Variants in MPHOSPH8 observed in about 807,000 individuals in gnomAD.
The protein encoded by MPHOSPH8 is M-phase phosphoprotein 8.
MPHOSPH8 carries 45 observed loss-of-function variants against 87.3 expected under a neutral mutation model. That is an observed-to-expected ratio of 0.52 (90% CI 0.41 to 0.66). The LOEUF (loss-of-function observed/expected upper bound fraction) is 0.66, where lower values mean the gene tolerates loss of function less well. Ranked by LOEUF, MPHOSPH8 falls within the 30% of genes least tolerant of loss-of-function variation. The pLI is 0.00. For missense variants in MPHOSPH8, 883 were observed against 1,020.2 expected, an observed-to-expected ratio of 0.87 and a Z score of 1.83; for synonymous variants, 366 against 376.9, an observed-to-expected ratio of 0.97 and a Z score of 0.33.
rs557019819 is a variant in MPHOSPH8 at position 19,664,346 on chromosome 13, G to A, written c.2019+1220G>A. Among the ~76,000 whole-genome samples, 221 of 152,288 alleles carry A rather than the reference G, an allele frequency of 1.5e-3. 1 individual carries two copies. Among genetic ancestry groups the A allele is most frequent in the African/African-American group, 5.1e-3 (213 of 41,566 alleles). Reference sequence around the variant, plus strand: ...CTCTGCAAGCATCATCTTAGTGACAGATGACCAGGTGTACCCTGAACTGCA... The same window carrying A: ...CTCTGCAAGCATCATCTTAGTGACAAATGACCAGGTGTACCCTGAACTGCA... On this transcript the variant is annotated intron_variant, in intron 9 of 13. Coordinates refer to ENST00000361479, the MANE Select transcript of MPHOSPH8 (RefSeq NM_017520.4).
intron 2 of MPHOSPH8, 38 bp downstream of exon 2, chr13:19,642,308 A>G (rs774981763): frequency 6.8e-7 from 1 of 1,478,796 alleles, no homozygotes; most frequent in African/African-American, 1.5e-5. Context: ...TTACATACAT[A>G]AATTTATTGT....
chr13:19,646,542 T>A lies in MPHOSPH8; in HGVS notation c.469T>A (p.Leu157Met). 6.4e-7 allele frequency: 1 copy of A among 1,572,418 alleles called. No homozygotes were observed. Among genetic ancestry groups the A allele is most frequent in the Non-Finnish European group, 8.6e-7 (1 of 1,169,250 alleles). ...TTCCCCAAAGAAGAAAAAGAAAAAA[T>A]TGAGGCAGAGAGAAGAGAAAAGCCC... is the stretch of plus-strand genomic sequence containing the variant. Reference protein sequence around the residue: ...DTSPKKKKKKLRQREEKSPDD... With the variant: ...DTSPKKKKKKMRQREEKSPDD... The change falls in exon 3 of 14, where the codon TTG becomes ATG. Residue 157 changes from leucine to methionine, a missense_variant. Leu to Met is a conservative substitution (Grantham distance 15). Around this residue, in one of 3 missense-constraint regions of MPHOSPH8, gnomAD observed 741 missense variants for 841.5 expected, o/e 0.88. Coordinates refer to ENST00000361479, the MANE Select transcript of MPHOSPH8 (RefSeq NM_017520.4).
intron 11 of MPHOSPH8, 22 bp from the exon 12 acceptor site, chr13:19,670,212 TTC>T (rs768370172): frequency 6.2e-7 from 1 of 1,613,858 alleles, no homozygotes; most frequent in Non-Finnish European, 8.5e-7. Context: ...TTTGAAGTAA[TTC>T]ACACACATCT....
rs748655472 is a variant in MPHOSPH8, at chr13:19,633,873, C to A, written c.125C>A (p.Ala42Glu). ...GTGGGCGAAGATAATGACGCAGCCG[C>A]GAGAGGAGCGGAGGCCTTTGGCGAC... The part of the protein sequence containing the change: ...GVVGEDNDAA[A>E]RGAEAFGDSE... The change falls in exon 1 of 14, where the codon GCG (alanine) becomes GAG (glutamate). Residue 42 changes from alanine to glutamate, a missense_variant. By Grantham distance (107) the Ala-to-Glu change is moderately radical (BLOSUM62 -1). Transcript: ENST00000361479. 6.2e-7 allele frequency: 1 copy of A among 1,611,386 alleles called. No homozygotes were observed. Among genetic ancestry groups the A allele is most frequent in the Non-Finnish European group, 8.5e-7 (1 of 1,179,136 alleles).
chr13:19,640,746 A>G (rs1593467641), intron 1 of MPHOSPH8, among the ~76,000 whole-genome samples: 1 of 152,116 alleles, frequency 6.6e-6, no homozygotes, highest in Non-Finnish European at 1.5e-5. Context: ...TAACAACTTA[A>G]TAAGAGATAC....
chr13:19,637,613 C>A (rs1165974922), intron 1 of MPHOSPH8, among the ~76,000 whole-genome samples: 1 of 151,952 alleles, frequency 6.6e-6, no homozygotes, highest in Non-Finnish European at 1.5e-5. Context: ...GCATGAGCCA[C>A]CGCTCCTGGC....
At chr13:19,671,627 C>T (rs1486777572) in intron 13 of MPHOSPH8, among the ~76,000 whole-genome samples, 2 of 152,144 alleles carry the variant, frequency 1.3e-5, no homozygotes, top group Non-Finnish European at 2.9e-5. Context: ...ACAAAATAGT[C>T]TCTCTAATAA....
In MPHOSPH8 at chr13:19,665,289, G is replaced by GT. The variant is rs772905398; in HGVS notation, c.2020-1133dup. On this transcript the variant is annotated intron_variant, in intron 9 of 13. Transcript: ENST00000361479. ...TGCTTTCAGGATTTAGCATGTTGAA[G>GT]TTTGAGTTTTAGAATGAGAAGATGT... Among the ~76,000 whole-genome samples, 4 of 152,350 alleles carry GT rather than the reference G, an allele frequency of 2.6e-5. No individual in the cohort carries two copies. The South Asian group carries it at 6.2e-4, about 24-fold the overall frequency.
chr13:19,647,440 T>G, intron 3 of MPHOSPH8, 149 bp downstream of exon 3: 1 of 635,752 alleles, frequency 1.6e-6, no homozygotes. Flanking sequence ...ACACCGCAGC[T>G]TATCTCTTAG....
chr13:19,640,155 T>C (rs1416654111), intron 1 of MPHOSPH8, among the ~76,000 whole-genome samples: 1 of 152,114 alleles, frequency 6.6e-6, no homozygotes, highest in East Asian at 1.9e-4. Flanking sequence ...GGTTTGAATT[T>C]CAGCTGAACT....
At chr13:19,638,579 C>G (rs1025258237) in intron 1 of MPHOSPH8, among the ~76,000 whole-genome samples, 6 of 151,276 alleles carry the variant, frequency 4.0e-5, no homozygotes, top group Admixed American at 3.9e-4. Flanking sequence ...TGACACTGCA[C>G]TCCAGCCTGA....
At chr13:19,659,774 G>A in intron 7 of MPHOSPH8, 1 of 304,258 alleles carries the variant, frequency 3.3e-6, no homozygotes, top group Non-Finnish European at 6.6e-6. Flanking sequence ...CTCTAAAAGT[G>A]ATGGTTTGGT....
chr13:19,660,829 A>C, intron 7 of MPHOSPH8: 1 of 604,688 alleles, frequency 1.7e-6, no homozygotes, highest in Non-Finnish European at 2.1e-6. Flanking sequence ...TGAAATTCTT[A>C]TAGTTTTTAA....
rs372419043 is a variant in MPHOSPH8 at position 19,666,421 on chromosome 13, G to T, written c.2020-4G>T. ...TAATTGTTACTCCTTTTTACCTGAC[G>T]TAGGCCTGTAAAAGAGGAAATTCAG... is the stretch of plus-strand genomic sequence containing the variant. On this transcript the variant is annotated splice_region_variant and splice_polypyrimidine_tract_variant and intron_variant, in intron 9 of 13. Coordinates refer to ENST00000361479, the MANE Select transcript of MPHOSPH8 (RefSeq NM_017520.4). 2 of 1,604,320 alleles carry T rather than the reference G, an allele frequency of 1.2e-6. No homozygotes were observed. The highest frequency in any genetic ancestry group is 1.7e-6 in the Non-Finnish European group (2 of 1,172,336).
chr13:19,650,053 GA>G lies in MPHOSPH8; in HGVS notation c.1376del (p.Asn459MetfsTer20). The G allele has an allele frequency of 6.2e-7, 1 of 1,607,516 alleles. No individual in the cohort carries two copies. Among genetic ancestry groups the G allele is most frequent in the Non-Finnish European group, 8.5e-7 (1 of 1,177,212 alleles). Reference protein sequence around the residue: ...AFDLFKLTPEEKNDVSENNRK... With the variant: ...AFDLFKLTPEXKNDVSENNRK... ...TGATTTATTTAAATTAACTCCAGAAGAAAAAAATGATGTTTCTGAGAATAAT... is the reference window on the plus strand; with the variant it reads ...TGATTTATTTAAATTAACTCCAGAAGAAAAAATGATGTTTCTGAGAATAAT... On this transcript the variant is annotated frameshift_variant, in exon 5 of 14. Coordinates refer to ENST00000361479, the MANE Select transcript of MPHOSPH8 (RefSeq NM_017520.4). LOFTEE classifies it high-confidence loss of function.
At position 19,671,814 on chromosome 13, in the gene MPHOSPH8, G is replaced by C. The variant is rs1876146348; in HGVS notation, c.2542-20G>C. ...GAAATCTGGATCTGTACTGACACCT[G>C]CGTTCTTTTCTTTCAACAGGTTAAG... is the stretch of plus-strand genomic sequence containing the variant. On this transcript the variant is annotated intron_variant, in intron 13 of 13. Coordinates refer to ENST00000361479, the MANE Select transcript of MPHOSPH8 (RefSeq NM_017520.4). 6.2e-7 allele frequency: 1 copy of C among 1,613,364 alleles called. No individual in the cohort carries two copies. The highest frequency in any genetic ancestry group is 8.5e-7 in the Non-Finnish European group (1 of 1,179,418).
intron 1 of MPHOSPH8, among the ~76,000 whole-genome samples, chr13:19,636,661 A>G (rs1480717149): frequency 1.3e-5 from 2 of 151,972 alleles, no homozygotes; most frequent in East Asian, 3.9e-4. Flanking sequence ...TTTTTTATAG[A>G]GATGGGGTCT....
At chr13:19,648,378 C>A in intron 3 of MPHOSPH8, 44 bp from the exon 4 acceptor site, 1 of 1,285,994 alleles carries the variant, frequency 7.8e-7, no homozygotes, top group South Asian at 1.3e-5. Context: ...TTTACAGTGT[C>A]AACTCTTTAT....
intron 1 of MPHOSPH8, among the ~76,000 whole-genome samples, chr13:19,636,602 T>A (rs1368990441): frequency 6.6e-6 from 1 of 151,862 alleles, no homozygotes; most frequent in Non-Finnish European, 1.5e-5. Context: ...CCTCAGCCTC[T>A]CGGAGTAGAT....
Sources: gnomAD v4.1 joint callset for allele counts (sites outside exome capture counted in the v4.1 genomes callset) on GRCh38, gnomAD v4.1.1 for gene constraint, gnomAD v4.1.1 regional missense constraint, MANE v1.5 for transcripts, NCBI Gene and HGNC (gene_info 2026-07-23, HGNC 2026-07-21) for gene names.